Variants in MICU1 observed in about 807,000 individuals in gnomAD.
The protein encoded by MICU1 is mitochondrial calcium uptake 1, also known as calcium uptake protein 1, mitochondrial.
In MICU1, 45 loss-of-function variants were observed where a neutral mutation model predicts 56.8. The ratio of observed to expected loss-of-function variants is 0.79; its 90% CI spans 0.62 to 1.02. MICU1 has a LOEUF of 1.02. Ranked by LOEUF, MICU1 falls within the 50% of genes least tolerant of loss-of-function variation. The pLI is 0.00. For synonymous variants in MICU1, 186 were observed against 195.1 expected, an observed-to-expected ratio of 0.95 and a Z score of 0.39; for missense variants, 504 against 587.1, an observed-to-expected ratio of 0.86 and a Z score of 1.46.
chr10:72,527,064 T>C (rs1347191003), intron 5 of MICU1, among the ~76,000 whole-genome samples: 1 of 152,174 alleles, frequency 6.6e-6, no homozygotes, highest in Non-Finnish European at 1.5e-5. Flanking sequence ...AAAATGTATA[T>C]ATCCCATATT....
intron 10 of MICU1, among the ~76,000 whole-genome samples, chr10:72,400,677 T>A (rs1863421825): frequency 6.6e-6 from 1 of 151,658 alleles, no homozygotes; most frequent in South Asian, 2.1e-4. Context: ...ACCCAGGAGG[T>A]GGAGGTTGCA....
At chr10:72,474,311 A>AAAC (rs1866045681) in intron 8 of MICU1, among the ~76,000 whole-genome samples, 1 of 151,284 alleles carries the variant, frequency 6.6e-6, no homozygotes, top group Non-Finnish European at 1.5e-5. Flanking sequence ...AGAGGTTGGG[A>AAAC]AACACCAGTG....
intron 8 of MICU1, among the ~76,000 whole-genome samples, chr10:72,448,355 G>A (rs1179100771): frequency 6.6e-6 from 1 of 151,212 alleles, no homozygotes; most frequent in Non-Finnish European, 1.5e-5. Flanking sequence ...TGTATTTTTA[G>A]TAGAGACAGG....
At chr10:72,558,324 C>A (rs928069529) in intron 3 of MICU1, among the ~76,000 whole-genome samples, 2 of 152,118 alleles carry the variant, frequency 1.3e-5, no homozygotes, top group African/African-American at 4.8e-5. Context: ...AACACCATCT[C>A]TGTGGATCAG....
chr10:72,551,306 G>A lies in MICU1; in HGVS notation c.366C>T (p.Ser122=). The part of the protein sequence containing the change: ...MEYENRIRAY[S]TPDKIFRYFA... ...AATATCGGAAGATTTTGTCTGGCGT[G>A]GAGTAGGCTCGAATCCTATTCTCAT... is the stretch of plus-strand genomic sequence containing the variant. The change falls in exon 4 of 12, where the codon TCC becomes TCT. Residue 122 remains serine (S), a synonymous_variant. Coordinates refer to ENST00000361114, the MANE Select transcript of MICU1 (RefSeq NM_001195518.2). The A allele has an allele frequency of 2.5e-6, 4 of 1,612,388 alleles. No individual in the cohort carries two copies. The highest frequency in any genetic ancestry group is 3.4e-6 in the Non-Finnish European group (4 of 1,179,216).
At chr10:72,497,107 T>C (rs1376038093) in intron 6 of MICU1, among the ~76,000 whole-genome samples, 2 of 152,022 alleles carry the variant, frequency 1.3e-5, no homozygotes, top group East Asian at 1.9e-4. Context: ...TCGCCCAGGC[T>C]GGAGTGTGGT....
intron 6 of MICU1, among the ~76,000 whole-genome samples, chr10:72,501,456 A>G (rs1867065135): frequency 6.6e-6 from 1 of 152,154 alleles, no homozygotes; most frequent in Non-Finnish European, 1.5e-5. Context: ...ATAAAATGAA[A>G]AAAACAACAT....
intron 6 of MICU1, among the ~76,000 whole-genome samples, chr10:72,481,980 G>A (rs1462719927): frequency 6.6e-6 from 1 of 152,078 alleles, no homozygotes; most frequent in Non-Finnish European, 1.5e-5. Context: ...TTCCACCATT[G>A]ACAATCATGA....
chr10:72,446,436 T>C lies in MICU1; in HGVS notation c.934-23065A>G, dbSNP rs557905660. 3.9e-5 allele frequency among the ~76,000 whole-genome samples: 6 copies of C among 152,222 alleles called. No homozygotes were observed. In the South Asian group the frequency reaches 1.0e-3, roughly 26 times the overall value. On this transcript the variant is annotated intron_variant, in intron 8 of 11. Coordinates refer to ENST00000361114, the MANE Select transcript of MICU1 (RefSeq NM_001195518.2). Reference sequence around the variant, plus strand: ...ACCTCCACCTCTCGGGTTCCAGTGATTTTCCTGCCTCAGCCTCCTTAGTAG... The same window carrying C: ...ACCTCCACCTCTCGGGTTCCAGTGACTTTCCTGCCTCAGCCTCCTTAGTAG...
At chr10:72,522,197 C>T (rs2132385070) in intron 5 of MICU1, among the ~76,000 whole-genome samples, 1 of 152,092 alleles carries the variant, frequency 6.6e-6, no homozygotes, top group East Asian at 1.9e-4. Flanking sequence ...TTTATGTGAC[C>T]TTAAGCATGC....
chr10:72,451,891 GTCTCTC>G (rs778937269), intron 8 of MICU1, among the ~76,000 whole-genome samples: 1 of 151,846 alleles, frequency 6.6e-6, no homozygotes, highest in East Asian at 1.9e-4. Flanking sequence ...TTGAGATGGA[GTCTCTC>G]TCTGTCACCC....
rs750443486 is a variant in MICU1 at position 72,368,322 on chromosome 10, G to A, written c.1304C>T (p.Ser435Phe). Residue 435 changes from serine (S) to phenylalanine (F), a missense_variant, in exon 12 of 12, where the codon TCC (serine) becomes TTC (phenylalanine). Coordinates refer to ENST00000361114, the MANE Select transcript of MICU1 (RefSeq NM_001195518.2). ...NGELSNKEFV[S>F]IMKQRLMRGL... is the part of the protein sequence containing the mutation. ...TCTCATCAGCCGTTGCTTCATGATG[G>A]AAACAAATTCCTTATTGCTCAGTTC... 1.2e-6 allele frequency: 2 copies of A among 1,613,946 alleles called. No homozygotes were observed. Among genetic ancestry groups the A allele is most frequent in the Non-Finnish European group, 1.7e-6 (2 of 1,179,862 alleles).
chr10:72,509,637 TAGA>T (rs1291602332), intron 5 of MICU1, among the ~76,000 whole-genome samples: 2 of 152,206 alleles, frequency 1.3e-5, no homozygotes, highest in African/African-American at 2.4e-5. Context: ...CGCTTCTACT[TAGA>T]AGAACTTTGC....
At position 72,475,302 on chromosome 10, in the gene MICU1, T is replaced by C. The variant is rs548452475; in HGVS notation, c.736-5A>G. On this transcript the variant is annotated splice_polypyrimidine_tract_variant and splice_region_variant and intron_variant, in intron 7 of 11. Coordinates refer to ENST00000361114, the MANE Select transcript of MICU1 (RefSeq NM_001195518.2). The stretch of plus-strand genomic sequence containing the variant: ...GGAGCGAATGATGCTCTGAACCTAA[T>C]ACAGAATCAAACCCACATCCAGAAA... 16 of 1,587,846 alleles carry C rather than the reference T, an allele frequency of 1.0e-5. No individual in the cohort carries two copies. Among genetic ancestry groups the C allele is most frequent in the Admixed American group, 9.0e-5 (5 of 55,702 alleles).
intron 8 of MICU1, among the ~76,000 whole-genome samples, chr10:72,447,206 T>C (rs1865133469): frequency 6.6e-6 from 1 of 152,148 alleles, no homozygotes; most frequent in Admixed American, 6.6e-5. Context: ...TTACTATGTA[T>C]GGGGCACAAA....
chr10:72,368,488 C>T, intron 11 of MICU1, 133 bp from the exon 12 acceptor site: 1 of 970,362 alleles, frequency 1.0e-6, no homozygotes, highest in African/African-American at 1.6e-5. Context: ...TTCTCTTATC[C>T]TAGAATTCAT....
chr10:72,449,269 G>C (rs984796629), intron 8 of MICU1, among the ~76,000 whole-genome samples: 4 of 152,048 alleles, frequency 2.6e-5, no homozygotes, highest in Non-Finnish European at 2.9e-5. Context: ...ATGGTGGCAG[G>C]TGCCTGTAAT....
chr10:72,605,208 G>A lies in MICU1; in HGVS notation c.-2+20802C>T, dbSNP rs1261078252. ...CTGCTTATTATACACTAATTATAACGCATTAGCATGCTAAAAGGAACTCCC... is the reference window on the plus strand; with the variant it reads ...CTGCTTATTATACACTAATTATAACACATTAGCATGCTAAAAGGAACTCCC... On this transcript the variant is annotated intron_variant, in intron 1 of 11. Transcript: ENST00000361114. Among the ~76,000 whole-genome samples the A allele has an allele frequency of 3.9e-5, 6 of 152,078 alleles. No homozygotes were observed. The East Asian group carries it at 7.7e-4, about 20-fold the overall frequency.
intron 8 of MICU1, among the ~76,000 whole-genome samples, chr10:72,440,466 T>C (rs1340644547): frequency 6.6e-6 from 1 of 152,080 alleles, no homozygotes; most frequent in Non-Finnish European, 1.5e-5. Context: ...ACCTAGGCAA[T>C]ACCATTCAGG....
Sources: gnomAD v4.1 joint callset for allele counts (sites outside exome capture counted in the v4.1 genomes callset) on GRCh38, gnomAD v4.1.1 for gene constraint, MANE v1.5 for transcripts, NCBI Gene and HGNC (gene_info 2026-07-23, HGNC 2026-07-21) for gene names.